RBPMS: variants seen among roughly 807,000 people sequenced by gnomAD.
The protein encoded by RBPMS is RNA-binding protein with multiple splicing.
In RBPMS, 7 loss-of-function variants were observed where a neutral mutation model predicts 26.8. The ratio of observed to expected loss-of-function variants is 0.26; its 90% CI spans 0.15 to 0.49. The LOEUF (loss-of-function observed/expected upper bound fraction) is 0.49. Among genes scored for constraint, RBPMS ranks in the 20% least tolerant of loss-of-function variants. The pLI is 0.98. For missense variants in RBPMS, 186 were observed against 250.0 expected (o/e 0.74, Z 1.73); for synonymous variants, 96 against 93.3 (o/e 1.03, Z -0.17).
At chr8:30,530,060 T>C (rs924530264) in intron 5 of RBPMS, among the ~76,000 whole-genome samples, 1 of 152,178 alleles carries the variant, frequency 6.6e-6, no homozygotes, top group Non-Finnish European at 1.5e-5. Context: ...CGGCCAGAAC[T>C]TCATCCCTTT....
chr8:30,549,795 T>TCTCTCTCTCTCTCTCTCTCTC (rs1298441943), intron 6 of RBPMS, among the ~76,000 whole-genome samples: 2 of 100,744 alleles, frequency 2.0e-5, no homozygotes, highest in African/African-American at 4.8e-5. Context: ...TCTCTCTCTC[T>TCTCTCTCTCTCTCTCTCTCTC]CCCCTCTCTC....
At chr8:30,502,593 AGT>A (rs1305328346) in intron 4 of RBPMS, among the ~76,000 whole-genome samples, 1 of 152,146 alleles carries the variant, frequency 6.6e-6, no homozygotes, top group African/African-American at 2.4e-5. Context: ...TGTCTGATGG[AGT>A]GTGGTGCAAA....
At chr8:30,547,640 G>A (rs941736533) in intron 6 of RBPMS, 4 of 546,576 alleles carry the variant, frequency 7.3e-6, no homozygotes, top group African/African-American at 2.0e-5. Flanking sequence ...TACATAGAAG[G>A]ACTCAGAACG....
At chr8:30,510,982 T>A (rs368258634) in intron 5 of RBPMS, among the ~76,000 whole-genome samples, 8 of 152,108 alleles carry the variant, frequency 5.3e-5, no homozygotes, top group African/African-American at 1.7e-4. Context: ...TAAAGAGATA[T>A]AAAGTCAGGA....
chr8:30,423,510 G>A (rs1470493182), intron 1 of RBPMS, among the ~76,000 whole-genome samples: 1 of 152,122 alleles, frequency 6.6e-6, no homozygotes. Flanking sequence ...GGCTTCCAGG[G>A]GCTCAGGGGC....
rs369876138 is a variant in RBPMS at position 30,502,328 on chromosome 8, C to G, written c.247-1958C>G. On this transcript the variant is annotated intron_variant, in intron 4 of 8. Transcript: ENST00000397323. The stretch of plus-strand genomic sequence containing the variant: ...TAAGAGGCAAACACATGATGTGGAG[C>G]TTCAGTTGATTCTGGAACACCAGTG... 7.2e-4 allele frequency among the ~76,000 whole-genome samples: 109 copies of G among 152,184 alleles called. 1 individual carries two copies. Among genetic ancestry groups the G allele is most frequent in the African/African-American group, 2.6e-3 (107 of 41,514 alleles).
intron 1 of RBPMS, among the ~76,000 whole-genome samples, chr8:30,430,253 T>C (rs1811786432): frequency 6.6e-6 from 1 of 152,134 alleles, no homozygotes; most frequent in Non-Finnish European, 1.5e-5. Flanking sequence ...GATAGATAAA[T>C]AAATTAAAAA....
chr8:30,474,293 C>G (rs1817457659), intron 1 of RBPMS, among the ~76,000 whole-genome samples: 1 of 152,006 alleles, frequency 6.6e-6, no homozygotes, highest in South Asian at 2.1e-4. Flanking sequence ...CAGGAGGAAA[C>G]AAATTGTTTT....
intron 5 of RBPMS, among the ~76,000 whole-genome samples, chr8:30,523,011 C>T (rs1256031161): frequency 1.3e-5 from 2 of 152,116 alleles, no homozygotes; most frequent in South Asian, 2.1e-4. Context: ...GCTGGTGATT[C>T]TGTTCTCTGT....
intron 5 of RBPMS, among the ~76,000 whole-genome samples, chr8:30,535,776 T>C (rs940602994): frequency 2.6e-5 from 4 of 152,184 alleles, no homozygotes; most frequent in Non-Finnish European, 1.5e-5. Context: ...CAAATGTTGC[T>C]ACTTTGGGGA....
At chr8:30,498,678 G>A (rs999162562) in intron 4 of RBPMS, among the ~76,000 whole-genome samples, 1 of 152,148 alleles carries the variant, frequency 6.6e-6, no homozygotes, top group African/African-American at 2.4e-5. Context: ...ACTTTTTATA[G>A]TGGTATCGGT....
intron 5 of RBPMS, among the ~76,000 whole-genome samples, chr8:30,532,824 G>A (rs1824376428): frequency 6.6e-6 from 1 of 152,124 alleles, no homozygotes; most frequent in Non-Finnish European, 1.5e-5. Flanking sequence ...TGTAAAATAA[G>A]GAGTTCCATT....
At chr8:30,470,012 A>G (rs1816910174) in intron 1 of RBPMS, among the ~76,000 whole-genome samples, 1 of 152,180 alleles carries the variant, frequency 6.6e-6, no homozygotes, top group African/African-American at 2.4e-5. Context: ...CAAAACTCTG[A>G]AGTGCCCTCC....
In RBPMS at chr8:30,571,431, G is replaced by T. The variant is rs1463930536; in HGVS notation, c.*906G>T. ...AGCCCCGCATCCCTGCTCCCGCAGT[G>T]TAAGTGCAGAGCCTGCCTCACTGGT... On this transcript the variant is annotated 3_prime_UTR_variant, in exon 9 of 9. Coordinates refer to ENST00000397323, the MANE Select transcript of RBPMS (RefSeq NM_001008710.3). 6.6e-6 allele frequency: 1 copy of T among 152,168 alleles called. No individual in the cohort carries two copies. The highest frequency in any genetic ancestry group is 1.5e-5 in the Non-Finnish European group (1 of 68,054). 9.4% of individuals were successfully genotyped at this position (152,168 alleles called of 1,614,324 possible).
chr8:30,557,623 G>A (rs1020126820), intron 6 of RBPMS, among the ~76,000 whole-genome samples: 1 of 152,182 alleles, frequency 6.6e-6, no homozygotes, highest in Non-Finnish European at 1.5e-5. Context: ...AAGCTTTGGA[G>A]ATCTCAGTAA....
At chr8:30,517,529 A>G (rs1251793368) in intron 5 of RBPMS, among the ~76,000 whole-genome samples, 1 of 152,196 alleles carries the variant, frequency 6.6e-6, no homozygotes, top group Non-Finnish European at 1.5e-5. Flanking sequence ...AAGGAGATCA[A>G]ACTGGTCAAA....
intron 4 of RBPMS, among the ~76,000 whole-genome samples, chr8:30,496,070 G>C (rs962222107): frequency 3.3e-5 from 5 of 152,146 alleles, no homozygotes; most frequent in African/African-American, 9.7e-5. Flanking sequence ...CATTGTGTGG[G>C]ACTATCCTGC....
At chr8:30,458,858 T>C (rs1303247068) in intron 1 of RBPMS, among the ~76,000 whole-genome samples, 1 of 152,142 alleles carries the variant, frequency 6.6e-6, no homozygotes, top group Non-Finnish European at 1.5e-5. Context: ...ACCAAAGGCA[T>C]GGGCCACCAC....
chr8:30,465,490 T>C (rs1289480498), intron 1 of RBPMS, among the ~76,000 whole-genome samples: 1 of 152,198 alleles, frequency 6.6e-6, no homozygotes, highest in Non-Finnish European at 1.5e-5. Flanking sequence ...GTTTGCTTCT[T>C]AAGAAGTCCT....
Sources: allele counts gnomAD v4.1 joint callset (sites outside exome capture counted in the v4.1 genomes callset), GRCh38; gene constraint gnomAD v4.1.1; transcripts MANE v1.5; gene names NCBI Gene and HGNC (gene_info 2026-07-23, HGNC 2026-07-21).